Variants in UNC5D observed in about 807,000 individuals in gnomAD.
UNC5D encodes unc-5 netrin receptor D.
UNC5D carries 39 observed loss-of-function variants against 105.4 expected under a neutral mutation model. The ratio of observed to expected loss-of-function variants is 0.37; its 90% CI spans 0.29 to 0.48. The LOEUF (loss-of-function observed/expected upper bound fraction) is 0.48, where lower values mean the gene tolerates loss of function less well. Among genes scored for constraint, UNC5D ranks in the 20% least tolerant of loss-of-function variants. UNC5D has a pLI of 0.98. For missense variants in UNC5D, 991 were observed against 1,202.4 expected, an observed-to-expected ratio of 0.82 and a Z score of 2.60; for synonymous variants, 452 against 450.4, an observed-to-expected ratio of 1.00 and a Z score of -0.04.
chr8:35,741,201 C>A (rs1048811586), intron 11 of UNC5D, among the ~76,000 whole-genome samples: 14 of 152,232 alleles, frequency 9.2e-5, no homozygotes, highest in Admixed American at 7.2e-4. Context: ...TTGGTAAACA[C>A]CCTATGAATG....
chr8:35,593,115 A>T (rs1461613006), intron 3 of UNC5D, among the ~76,000 whole-genome samples: 1 of 151,544 alleles, frequency 6.6e-6, no homozygotes, highest in Non-Finnish European at 1.5e-5. Context: ...AACGTGTATA[A>T]ATAGATATGT....
chr8:35,722,343 T>C lies in UNC5D; in HGVS notation c.1251T>C (p.Ser417=). 2 of 1,614,164 alleles carry C rather than the reference T, an allele frequency of 1.2e-6. No individual in the cohort carries two copies. The highest frequency in any genetic ancestry group is 1.7e-6 in the Non-Finnish European group (2 of 1,180,016). ...QSDYGVDVID[S]SALTGGFQTF... The stretch of plus-strand genomic sequence containing the variant: ...ACTATGGCGTGGACGTCATTGACTC[T>C]TCTGCATTGACAGGTGGCTTCCAGA... The change falls in exon 9 of 17, where the codon TCT becomes TCC. Residue 417 remains serine (S), a synonymous_variant. Transcript: ENST00000404895.
chr8:35,545,050 T>C (rs1002575455), intron 1 of UNC5D, among the ~76,000 whole-genome samples: 1 of 152,200 alleles, frequency 6.6e-6, no homozygotes, highest in African/African-American at 2.4e-5. Context: ...GTGAATGTGG[T>C]GTGGAAGGAG....
At position 35,374,656 on chromosome 8, in the gene UNC5D, G is replaced by A. The variant is rs764701094; in HGVS notation, c.103+138769G>A. ...TCTCAAAAGGACACACTAAATTCCC[G>A]TTTCATTTATCTTTAATCTTCCTCT... is the stretch of plus-strand genomic sequence containing the variant. On this transcript the variant is annotated intron_variant, in intron 1 of 16. Coordinates refer to ENST00000404895, the MANE Select transcript of UNC5D (RefSeq NM_080872.4). 1.4e-3 allele frequency among the ~76,000 whole-genome samples: 211 copies of A among 152,204 alleles called. 1 individual carries two copies. Among genetic ancestry groups the A allele is most frequent in the Admixed American group, 3.8e-3 (58 of 15,292 alleles).
intron 4 of UNC5D, among the ~76,000 whole-genome samples, chr8:35,615,193 T>C (rs1278363676): frequency 6.6e-6 from 1 of 152,136 alleles, no homozygotes; most frequent in Non-Finnish European, 1.5e-5. Context: ...GAGGCATGAC[T>C]AGTCCACTGC....
chr8:35,763,345 C>T (rs1219082765), intron 14 of UNC5D, among the ~76,000 whole-genome samples: 1 of 151,750 alleles, frequency 6.6e-6, no homozygotes, highest in Non-Finnish European at 1.5e-5. Flanking sequence ...CTGCAGTAGG[C>T]ATTACTCTTT....
intron 4 of UNC5D, among the ~76,000 whole-genome samples, chr8:35,648,507 T>G (rs1193967374): frequency 6.6e-6 from 1 of 151,766 alleles, no homozygotes; most frequent in African/African-American, 2.4e-5. Flanking sequence ...GATAAAACAC[T>G]GTCTCTACTA....
At chr8:35,380,195 GA>G in intron 1 of UNC5D, among the ~76,000 whole-genome samples, 1 of 147,644 alleles carries the variant, frequency 6.8e-6, no homozygotes, top group African/African-American at 2.5e-5. Flanking sequence ...CAGAGACCGA[GA>G]GGGAGAGAGA....
chr8:35,260,664 G>A (rs1036569965), intron 1 of UNC5D, among the ~76,000 whole-genome samples: 8 of 152,076 alleles, frequency 5.3e-5, no homozygotes, highest in Non-Finnish European at 7.4e-5. Flanking sequence ...GGGTTTCACC[G>A]TGTTGCCCAG....
intron 3 of UNC5D, 107 bp from the exon 4 acceptor site, chr8:35,595,447 G>T: frequency 1.2e-6 from 1 of 817,700 alleles, no homozygotes; most frequent in South Asian, 1.6e-5. Context: ...ATTTTTGTGT[G>T]TGTGTGTCTA....
chr8:35,770,792 T>C (rs941838854), intron 15 of UNC5D, among the ~76,000 whole-genome samples: 3 of 152,228 alleles, frequency 2.0e-5, no homozygotes, highest in Non-Finnish European at 4.4e-5. Flanking sequence ...AGCAGTTCTC[T>C]TATCTTTCTT....
chr8:35,284,797 C>T (rs893675605), intron 1 of UNC5D, among the ~76,000 whole-genome samples: 3 of 152,062 alleles, frequency 2.0e-5, no homozygotes, highest in African/African-American at 7.2e-5. Context: ...TTCCTGACCT[C>T]GTGACCCGCC....
chr8:35,241,335 G>A (rs771786295), intron 1 of UNC5D, among the ~76,000 whole-genome samples: 1 of 152,134 alleles, frequency 6.6e-6, no homozygotes, highest in African/African-American at 2.4e-5. Context: ...ATTTTGGATT[G>A]TGTTATCTGA....
chr8:35,545,780 CTTCTT>C (rs1213195470), intron 1 of UNC5D, among the ~76,000 whole-genome samples: 1 of 152,034 alleles, frequency 6.6e-6, no homozygotes, highest in Non-Finnish European at 1.5e-5. Context: ...AATCATTTTC[CTTCTT>C]TTCTTATTTT....
At chr8:35,610,515 G>A (rs1383111537) in intron 4 of UNC5D, among the ~76,000 whole-genome samples, 1 of 152,112 alleles carries the variant, frequency 6.6e-6, no homozygotes, top group Non-Finnish European at 1.5e-5. Context: ...TTTGGAGGCC[G>A]AGGGGGACAA....
At chr8:35,335,740 GAAATGAGAGA>G (rs1810972459) in intron 1 of UNC5D, among the ~76,000 whole-genome samples, 1 of 144,104 alleles carries the variant, frequency 6.9e-6, no homozygotes, top group African/African-American at 2.6e-5. Flanking sequence ...AGGATAGAAT[GAAATGAGAGA>G]TTGCAATTTT....
intron 1 of UNC5D, among the ~76,000 whole-genome samples, chr8:35,371,327 A>G (rs1802416790): frequency 6.6e-6 from 1 of 152,130 alleles, no homozygotes; most frequent in African/African-American, 2.4e-5. Flanking sequence ...TCTTGGTCCC[A>G]TTAATATAGA....
intron 1 of UNC5D, among the ~76,000 whole-genome samples, chr8:35,442,101 T>C (rs1807445073): frequency 6.6e-6 from 1 of 151,972 alleles, no homozygotes; most frequent in African/African-American, 2.4e-5. Context: ...TCTTCCTGTT[T>C]ATTATAAATT....
chr8:35,260,073 G>A lies in UNC5D; in HGVS notation c.103+24186G>A, dbSNP rs532893982. Among the ~76,000 whole-genome samples the A allele has an allele frequency of 3.9e-5, 6 of 152,194 alleles. No homozygotes were observed. The East Asian group carries it at 9.7e-4, about 25-fold the overall frequency. On this transcript the variant is annotated intron_variant, in intron 1 of 16. Coordinates refer to ENST00000404895, the MANE Select transcript of UNC5D (RefSeq NM_080872.4). The stretch of plus-strand genomic sequence containing the variant: ...GCAATGATTTGCCAAATCTCTAACC[G>A]CTGAGAATGAAATCAACGCACCATC...
Sources: allele counts gnomAD v4.1 joint callset (sites outside exome capture counted in the v4.1 genomes callset), GRCh38; gene constraint gnomAD v4.1.1; transcripts MANE v1.5; gene names NCBI Gene and HGNC (gene_info 2026-07-23, HGNC 2026-07-21).